Variants in SPAG16 observed in about 807,000 individuals in gnomAD.
The protein encoded by SPAG16 is sperm associated antigen 16, also known as sperm-associated antigen 16 protein.
SPAG16 carries 86 observed loss-of-function variants against 80.4 expected under a neutral mutation model. That is an observed-to-expected ratio of 1.07 (90% CI 0.90 to 1.28). The LOEUF (loss-of-function observed/expected upper bound fraction) is 1.28. Among genes scored for constraint, SPAG16 ranks in the 50% most tolerant of loss-of-function variants. The probability of loss-of-function intolerance (pLI) is 0.00; values close to 1 mark genes in which losing one functional copy is unlikely to be tolerated. For missense variants in SPAG16, 870 were observed against 765.3 expected (o/e 1.14, Z -1.61); for synonymous variants, 294 against 265.9 (o/e 1.11, Z -1.03).
chr2:213,960,038 G>A (rs533400915), intron 12 of SPAG16, among the ~76,000 whole-genome samples: 4 of 151,798 alleles, frequency 2.6e-5, no homozygotes, highest in South Asian at 2.1e-4. Flanking sequence ...GCTTGTTGAC[G>A]TTCAGAGATC....
intron 9 of SPAG16, among the ~76,000 whole-genome samples, chr2:213,416,079 G>T (rs1400863990): frequency 6.6e-6 from 1 of 152,242 alleles, no homozygotes; most frequent in Non-Finnish European, 1.5e-5. Flanking sequence ...GTGATAACCT[G>T]ATGAGCAGGA....
intron 10 of SPAG16, among the ~76,000 whole-genome samples, chr2:213,528,863 G>A (rs1440321685): frequency 6.6e-6 from 1 of 152,178 alleles, no homozygotes; most frequent in African/African-American, 2.4e-5. Context: ...ATCCTGGGCT[G>A]TATGTTGCCT....
intron 3 of SPAG16, among the ~76,000 whole-genome samples, chr2:213,300,801 G>C (rs1241693352): frequency 6.6e-6 from 1 of 152,034 alleles, no homozygotes; most frequent in Admixed American, 6.5e-5. Flanking sequence ...ATAAATAAGT[G>C]CTGTCTGGAG....
intron 15 of SPAG16, among the ~76,000 whole-genome samples, chr2:214,230,677 C>G (rs1409744829): frequency 6.6e-6 from 1 of 151,930 alleles, no homozygotes; most frequent in African/African-American, 2.4e-5. Context: ...ACCAAGATCT[C>G]TCCAGAGGAC....
intron 15 of SPAG16, among the ~76,000 whole-genome samples, chr2:214,392,053 A>G (rs1701108602): frequency 6.6e-6 from 1 of 152,242 alleles, no homozygotes; most frequent in Non-Finnish European, 1.5e-5. Context: ...TGAGCAAACC[A>G]CAAGATTCAT....
intron 10 of SPAG16, among the ~76,000 whole-genome samples, chr2:213,754,473 T>C (rs764180478): frequency 2.0e-5 from 3 of 152,182 alleles, no homozygotes; most frequent in Non-Finnish European, 4.4e-5. Context: ...TTCATCTTAG[T>C]CTAATGTGCT....
chr2:214,284,793 TAC>T (rs1693223061), intron 15 of SPAG16, among the ~76,000 whole-genome samples: 2 of 119,214 alleles, frequency 1.7e-5, no homozygotes, highest in East Asian at 5.0e-4. Context: ...AATAATATTT[TAC>T]TCTGTGTGTG....
chr2:214,301,754 TTA>T (rs1486051477), intron 15 of SPAG16, among the ~76,000 whole-genome samples: 3 of 152,204 alleles, frequency 2.0e-5, no homozygotes, highest in African/African-American at 2.4e-5. Context: ...ATCCTTTGTA[TTA>T]TGTTTTTTAT....
At chr2:213,342,734 T>C (rs2064765262) in intron 6 of SPAG16, among the ~76,000 whole-genome samples, 1 of 152,020 alleles carries the variant, frequency 6.6e-6, no homozygotes, top group Admixed American at 6.6e-5. Flanking sequence ...GGTACTGGAC[T>C]AGCTCCCCAA....
At chr2:214,010,587 C>A (rs1041929405) in intron 12 of SPAG16, among the ~76,000 whole-genome samples, 2 of 146,632 alleles carry the variant, frequency 1.4e-5, no homozygotes, top group African/African-American at 5.3e-5. Context: ...CTAGACTGAC[C>A]TCAGACTTTG....
chr2:214,278,110 G>A (rs1297056598), intron 15 of SPAG16, among the ~76,000 whole-genome samples: 1 of 152,260 alleles, frequency 6.6e-6, no homozygotes, highest in South Asian at 2.1e-4. Context: ...GTGGGCGTGG[G>A]ACCCACCGAG....
chr2:214,213,230 C>T (rs2058342639), intron 15 of SPAG16, among the ~76,000 whole-genome samples: 1 of 152,144 alleles, frequency 6.6e-6, no homozygotes, highest in African/African-American at 2.4e-5. Flanking sequence ...GTATTAATAC[C>T]TTTATTCCTA....
intron 3 of SPAG16, among the ~76,000 whole-genome samples, chr2:213,300,065 T>G (rs1360185104): frequency 6.6e-6 from 1 of 152,174 alleles, no homozygotes; most frequent in Non-Finnish European, 1.5e-5. Flanking sequence ...TATTGATAGT[T>G]TATTCTGTTA....
intron 10 of SPAG16, among the ~76,000 whole-genome samples, chr2:213,504,306 G>A (rs766920465): frequency 1.3e-4 from 19 of 151,948 alleles, no homozygotes; most frequent in Non-Finnish European, 2.4e-4. Context: ...AAGAAAGAGG[G>A]TGATATTTAA....
At chr2:214,135,396 T>C (rs2054993917) in intron 14 of SPAG16, among the ~76,000 whole-genome samples, 1 of 152,218 alleles carries the variant, frequency 6.6e-6, no homozygotes, top group South Asian at 2.1e-4. Context: ...CTTGTTGACA[T>C]GCTCCTAAAG....
chr2:214,258,501 A>T (rs1285019005), intron 15 of SPAG16, among the ~76,000 whole-genome samples: 2 of 150,612 alleles, frequency 1.3e-5, no homozygotes, highest in African/African-American at 2.4e-5. Context: ...ACACACACAC[A>T]TATATGTACA....
chr2:214,239,970 T>C (rs2125823482), intron 15 of SPAG16: 1 of 152,242 alleles, frequency 6.6e-6, no homozygotes, highest in African/African-American at 2.4e-5. Flanking sequence ...TTACCCATCA[T>C]TACATCCTCC....
At chr2:213,702,171 A>G (rs2065464070) in intron 10 of SPAG16, among the ~76,000 whole-genome samples, 1 of 152,190 alleles carries the variant, frequency 6.6e-6, no homozygotes. Flanking sequence ...TGTAAAACGG[A>G]CCAATCAGCT....
chr2:213,481,988 T>G (rs1021918682), intron 9 of SPAG16, among the ~76,000 whole-genome samples: 2 of 152,222 alleles, frequency 1.3e-5, no homozygotes, highest in African/African-American at 4.8e-5. Flanking sequence ...ATATCCTGAC[T>G]TGGTAATGAG....
Sources: allele counts gnomAD v4.1 joint callset (sites outside exome capture counted in the v4.1 genomes callset), GRCh38; gene constraint gnomAD v4.1.1; transcripts MANE v1.5; gene names NCBI Gene and HGNC (gene_info 2026-07-23, HGNC 2026-07-21).